The following CPZ variants were observed in gnomAD, a reference collection of about 807,000 sequenced individuals.
CPZ encodes VEZT/CPZ fusion.
In CPZ, 103 loss-of-function variants were observed where a neutral mutation model predicts 61.8. The ratio of observed to expected loss-of-function variants is 1.67; its 90% CI spans 1.42 to 1.96. The LOEUF is 1.96. Ranked by LOEUF, CPZ falls within the 30% of genes most tolerant of loss-of-function variation. The probability of loss-of-function intolerance (pLI) is 0.00; values close to 1 mark genes in which losing one functional copy is unlikely to be tolerated. For missense variants in CPZ, 1,461 were observed against 914.9 expected, an observed-to-expected ratio of 1.60 and a Z score of -7.70; for synonymous variants, 551 against 373.7, an observed-to-expected ratio of 1.47 and a Z score of -5.47.
In CPZ at chr4:8,606,822, A is replaced by G. The variant is rs745545326; in HGVS notation, c.992A>G (p.Glu331Gly). The G allele has an allele frequency of 1.2e-6, 2 of 1,613,982 alleles. No homozygotes were observed. The highest frequency in any genetic ancestry group is 1.3e-5 in the African/African-American group (1 of 74,946). The change falls in exon 6 of 11, where the codon GAG (glutamate) becomes GGG (glycine). Residue 331 changes from glutamate (E) to glycine (G), a missense_variant. Physicochemically the swap from Glu to Gly is moderately conservative, Grantham distance 98 (BLOSUM62 -2). Coordinates refer to ENST00000360986, the MANE Select transcript of CPZ (RefSeq NM_001014447.3). ...LNRNFPDLTS[E>G]YYRLAETRGA... The stretch of plus-strand genomic sequence containing the variant: ...CGAAATTTCCCGGACCTGACGTCCG[A>G]GTACTACCGGCTGGCGGAGACCCGC...
At chr4:8,617,907 C>A (rs906062722) in intron 9 of CPZ, among the ~76,000 whole-genome samples, 1 of 152,096 alleles carries the variant, frequency 6.6e-6, no homozygotes, top group Admixed American at 6.6e-5. Flanking sequence ...CTTGTGTGTT[C>A]AGGACCAGTT....
chr4:8,597,336 C>G (rs1714248389), intron 1 of CPZ: 1 of 152,326 alleles, frequency 6.6e-6, no homozygotes, highest in South Asian at 2.1e-4. Flanking sequence ...CACAGTATTT[C>G]AAGCAGAATC....
chr4:8,604,402 T>C (rs181181500), intron 4 of CPZ, among the ~76,000 whole-genome samples: 13 of 152,364 alleles, frequency 8.5e-5, no homozygotes, highest in Admixed American at 6.5e-5. Context: ...TACTTCAAAA[T>C]GTAGGGTGGC....
At chr4:8,593,812 G>A (rs1214631560) in intron 1 of CPZ, among the ~76,000 whole-genome samples, 3 of 152,128 alleles carry the variant, frequency 2.0e-5, no homozygotes, top group Admixed American at 6.5e-5. Flanking sequence ...TTTCCTTTCC[G>A]TCCTGTTGAT....
At chr4:8,595,745 A>G (rs73213364) in intron 1 of CPZ, among the ~76,000 whole-genome samples, 6,729 of 152,308 alleles carry the variant, frequency 0.044, 289 homozygotes, top group East Asian at 0.24. Flanking sequence ...ATGGGAGCGT[A>G]CTTGGAAACA....
At chr4:8,613,224 C>T (rs922603947) in intron 8 of CPZ, among the ~76,000 whole-genome samples, 11 of 151,956 alleles carry the variant, frequency 7.2e-5, no homozygotes, top group Admixed American at 2.0e-4. Context: ...CTCTGCCTCC[C>T]GGGTTCAAGC....
chr4:8,600,975 T>C, intron 2 of CPZ, 148 bp from the exon 3 acceptor site: 1 of 1,406,792 alleles, frequency 7.1e-7, no homozygotes. Context: ...TCCTGCACAG[T>C]AGCTGTTGTC....
At chr4:8,617,652 T>A in intron 9 of CPZ, among the ~76,000 whole-genome samples, 1 of 152,166 alleles carries the variant, frequency 6.6e-6, no homozygotes, top group East Asian at 1.9e-4. Context: ...CTGTTGCTGC[T>A]GAGCCCCGTG....
intron 3 of CPZ, 154 bp from the exon 4 acceptor site, chr4:8,603,822 G>T: frequency 1.5e-6 from 1 of 672,186 alleles, no homozygotes; most frequent in East Asian, 2.7e-5. Flanking sequence ...ATCGTTGTAG[G>T]CACTGCAGAG....
At chr4:8,614,868 G>C (rs1306433269) in intron 9 of CPZ, among the ~76,000 whole-genome samples, 1 of 149,730 alleles carries the variant, frequency 6.7e-6, no homozygotes, top group Non-Finnish European at 1.5e-5. Context: ...GCTTCATCTT[G>C]AAGAAGGGTA....
At chr4:8,605,944 C>T (rs753947453) in intron 4 of CPZ, 45 bp from the exon 5 acceptor site, 73 of 1,581,302 alleles carry the variant, frequency 4.6e-5, no homozygotes, top group Admixed American at 1.2e-4. Flanking sequence ...CTTTGGGGAC[C>T]CCCGGCTTTG....
chr4:8,599,767 C>T (rs1264833970), intron 2 of CPZ: 9 of 572,754 alleles, frequency 1.6e-5, no homozygotes, highest in East Asian at 3.9e-5. Flanking sequence ...ACTGCAGTCA[C>T]ACGTCCTGCA....
intron 2 of CPZ, among the ~76,000 whole-genome samples, chr4:8,600,207 C>T (rs1336444249): frequency 6.6e-6 from 1 of 152,090 alleles, no homozygotes; most frequent in Non-Finnish European, 1.5e-5. Flanking sequence ...AAACTCCTGG[C>T]CTCAAGTGAT....
At chr4:8,599,779 T>G (rs978200439) in intron 2 of CPZ, 4 of 515,864 alleles carry the variant, frequency 7.8e-6, no homozygotes, top group Middle Eastern at 5.0e-4. Context: ...CGTCCTGCAT[T>G]TGGGCCTTGT....
chr4:8,608,689 G>A (rs1715262579), intron 7 of CPZ, among the ~76,000 whole-genome samples: 1 of 145,492 alleles, frequency 6.9e-6, no homozygotes, highest in Admixed American at 6.9e-5. Flanking sequence ...TTGGGGTGGG[G>A]AACCCCCAGC....
At chr4:8,597,904 G>A (rs12498957) in intron 1 of CPZ, among the ~76,000 whole-genome samples, 54,535 of 152,088 alleles carry the variant, frequency 0.36, 9,968 homozygotes, top group African/African-American at 0.4. Flanking sequence ...ACTTGCCCGG[G>A]GCCCCCGGCT....
intron 3 of CPZ, chr4:8,603,471 C>G (rs951099395): frequency 1.3e-5 from 2 of 154,890 alleles, no homozygotes; most frequent in Admixed American, 1.3e-4. Context: ...ACTGTTGTAC[C>G]GATGAGGTTG....
In CPZ at chr4:8,601,480, C is replaced by G; in HGVS notation, c.479C>G (p.Pro160Arg). ...AGAGAGGACGAGGGCTGCTATGACC[C>G]GCTGGAGAAGCTTCGGGGTAAGGGA... ...FTREDEGCYDPLEKLRGGLEA... is the reference protein window; with the variant it reads ...FTREDEGCYDRLEKLRGGLEA... The change falls in exon 3 of 11, where the codon CCG becomes CGG. Residue 160 changes from proline (P) to arginine (R), a missense_variant. Pro to Arg is a moderately radical substitution (Grantham distance 103). Transcript: ENST00000360986. The G allele has an allele frequency of 6.7e-7, 1 of 1,489,580 alleles. No individual in the cohort carries two copies. Among genetic ancestry groups the G allele is most frequent in the Non-Finnish European group, 8.9e-7 (1 of 1,118,028 alleles). The allele number at this position is 1,489,580 out of a possible 1,614,324, so 92.3% of individuals were successfully genotyped here.
chr4:8,605,857 G>A, intron 4 of CPZ, 132 bp from the exon 5 acceptor site: 1 of 865,874 alleles, frequency 1.2e-6, no homozygotes, highest in East Asian at 2.6e-5. Flanking sequence ...ATTATATACA[G>A]AGGTTCTTGA....
Sources: gnomAD v4.1 joint callset for allele counts (sites outside exome capture counted in the v4.1 genomes callset) on GRCh38, gnomAD v4.1.1 for gene constraint, MANE v1.5 for transcripts, NCBI Gene and HGNC (gene_info 2026-07-23, HGNC 2026-07-21) for gene names.